Variants in AK7 observed in about 807,000 individuals in gnomAD.
AK7 encodes adenylate kinase 7, also known as ATP-AMP transphosphorylase 7.
Under a neutral mutation model 96.6 loss-of-function variants are expected in AK7, and 78 were observed. That is an observed-to-expected ratio of 0.81 (90% confidence interval 0.67 to 0.97). The LOEUF (loss-of-function observed/expected upper bound fraction) is 0.97, where lower values mean the gene tolerates loss of function less well. AK7 is among the 50% of genes least tolerant of loss of function. The pLI, the probability that AK7 is intolerant of heterozygous loss-of-function variation, is 0.00. For missense variants in AK7, 855 were observed against 887.9 expected, an observed-to-expected ratio of 0.96 and a Z score of 0.47; for synonymous variants, 302 against 317.2, an observed-to-expected ratio of 0.95 and a Z score of 0.51.
At chr14:96,423,698 T>C in intron 5 of AK7, 1 of 683,308 alleles carries the variant, frequency 1.5e-6, no homozygotes, top group Non-Finnish European at 2.8e-6. Flanking sequence ...TGCCCCCTAC[T>C]TCCCAGACAG....
At chr14:96,422,435 C>A (rs1448491663) in intron 5 of AK7, among the ~76,000 whole-genome samples, 2 of 152,174 alleles carry the variant, frequency 1.3e-5, no homozygotes, top group African/African-American at 2.4e-5. Context: ...TGCCTTAACC[C>A]TGAAGAGGCC....
chr14:96,431,439 C>T (rs1360644438), intron 5 of AK7, among the ~76,000 whole-genome samples: 1 of 152,156 alleles, frequency 6.6e-6, no homozygotes, highest in African/African-American at 2.4e-5. Flanking sequence ...GAATGTGTCC[C>T]AGAGATTCTG....
chr14:96,427,552 C>T (rs540591943), intron 5 of AK7, among the ~76,000 whole-genome samples: 109 of 152,306 alleles, frequency 7.2e-4, no homozygotes, highest in Middle Eastern at 3.4e-3. Flanking sequence ...GATTACAATT[C>T]GACGTGAGAT....
intron 12 of AK7, among the ~76,000 whole-genome samples, chr14:96,469,965 G>T (rs977108114): frequency 3.3e-5 from 5 of 151,988 alleles, no homozygotes; most frequent in Admixed American, 6.6e-5. Context: ...TTACAGGCAT[G>T]TGCCACCACG....
At chr14:96,410,187 C>A (rs990408638) in intron 4 of AK7, among the ~76,000 whole-genome samples, 20 of 152,112 alleles carry the variant, frequency 1.3e-4, no homozygotes, top group Admixed American at 9.8e-4. Flanking sequence ...GGGCAGGGAC[C>A]ACAGGTTTCA....
intron 2 of AK7, among the ~76,000 whole-genome samples, chr14:96,404,150 T>TA (rs34091316): frequency 0.081 from 8,112 of 99,592 alleles, 435 homozygotes; most frequent in African/African-American, 0.18. Context: ...TGTCTCAAAT[T>TA]AAAAAAAAAA....
chr14:96,399,344 C>T lies in AK7; in HGVS notation c.294+1081C>T, dbSNP rs1314258400. On this transcript the variant is annotated intron_variant, in intron 2 of 17. Transcript: ENST00000267584. This position sits in a 1 kb window ranked among gnomAD's most constrained non-coding sequence, Gnocchi z 4.1. ...GGGACCTTCCCATTCACCTCCTTCC[C>T]CTGTCTTCCGGGTATTCTTTCCCAT... 1 of 152,546 alleles carries T rather than the reference C, an allele frequency of 6.6e-6. No homozygotes were observed. Among genetic ancestry groups the T allele is most frequent in the Non-Finnish European group, 1.5e-5 (1 of 68,318 alleles). The allele number at this position is 152,546 out of a possible 1,614,324, so 9.4% of individuals were successfully genotyped here. A position where few individuals can be genotyped will look rare whatever the true frequency, so the allele number is the denominator to read the frequency against.
chr14:96,444,797 A>G (rs917566773), intron 7 of AK7, among the ~76,000 whole-genome samples: 1 of 151,592 alleles, frequency 6.6e-6, no homozygotes, highest in Non-Finnish European at 1.5e-5. Context: ...GGCTCACTGC[A>G]ACCTCCGCCT....
At chr14:96,401,830 A>C (rs1890425938) in intron 2 of AK7, among the ~76,000 whole-genome samples, 1 of 152,118 alleles carries the variant, frequency 6.6e-6, no homozygotes. Context: ...TTCCAGCCCA[A>C]CTCAAATATC....
chr14:96,483,092 A>G lies in AK7; in HGVS notation c.1847A>G (p.Glu616Gly). Residue 616 changes from glutamate to glycine, a missense_variant, in exon 16 of 18, where the codon GAA becomes GGA. Physicochemically the swap from Glu to Gly is moderately conservative, Grantham distance 98. Coordinates refer to ENST00000267584, the MANE Select transcript of AK7 (RefSeq NM_152327.5). ...GEPRNYGLTD[E>G]EKAEEERKAA... ...CCTCGAAATTATGGTTTAACAGACG[A>G]AGAAAAGGCAGAAGAGGAGCGGAAG... 1 of 1,614,212 alleles carries G rather than the reference A, an allele frequency of 6.2e-7. No homozygotes were observed. Among genetic ancestry groups the G allele is most frequent in the Non-Finnish European group, 8.5e-7 (1 of 1,180,044 alleles).
chr14:96,471,058 C>T (rs776853676), intron 12 of AK7, among the ~76,000 whole-genome samples: 22 of 152,154 alleles, frequency 1.4e-4, no homozygotes, highest in Non-Finnish European at 2.8e-4. Context: ...ATATTTTTTA[C>T]TTTAAGGGCC....
chr14:96,392,545 AAGATCACATAG>A (rs1889812873), intron 1 of AK7, among the ~76,000 whole-genome samples: 1 of 152,266 alleles, frequency 6.6e-6, no homozygotes, highest in African/African-American at 2.4e-5. Flanking sequence ...GGACTTGCCC[AAGATCACATAG>A]AGAGTTGAGG....
At chr14:96,445,531 A>G (rs2140099571) in intron 7 of AK7, among the ~76,000 whole-genome samples, 1 of 152,240 alleles carries the variant, frequency 6.6e-6, no homozygotes, top group Admixed American at 6.5e-5. Flanking sequence ...TTGGTGGCTC[A>G]TGCCTGCAGT....
chr14:96,419,422 G>A (rs903519982), intron 4 of AK7, among the ~76,000 whole-genome samples: 6 of 152,212 alleles, frequency 3.9e-5, no homozygotes, highest in Non-Finnish European at 7.3e-5. Context: ...TTAAAGCCAG[G>A]AGGTGGAGAC....
At chr14:96,433,939 G>A (rs983139633) in intron 5 of AK7, among the ~76,000 whole-genome samples, 4 of 152,062 alleles carry the variant, frequency 2.6e-5, no homozygotes, top group African/African-American at 7.2e-5. Flanking sequence ...TTCATCCGAT[G>A]GAATTCTGAA....
intron 12 of AK7, among the ~76,000 whole-genome samples, chr14:96,467,990 G>A (rs139470885): frequency 6.7e-5 from 10 of 148,836 alleles, no homozygotes; most frequent in African/African-American, 9.8e-5. Context: ...TAATCCCAGC[G>A]CTTTGAGAGG....
chr14:96,438,580 G>T (rs976246448), intron 6 of AK7, among the ~76,000 whole-genome samples: 1 of 152,204 alleles, frequency 6.6e-6, no homozygotes. Context: ...TCTAGCTGAA[G>T]TATGGGAGAA....
rs1224716889 is a variant in AK7 at position 96,451,562 on chromosome 14, G to A, written c.1090G>A (p.Gly364Arg). The A allele has an allele frequency of 6.6e-7, 1 of 1,519,200 alleles. No homozygotes were observed. The highest frequency in any genetic ancestry group is 2.0e-5 in the Admixed American group (1 of 50,734). The allele number at this position is 1,519,200 out of a possible 1,614,324, so 94.1% of individuals were successfully genotyped here. Reference protein sequence around the residue: ...TILKEYKQSRGLMPIKICILG... With the variant: ...TILKEYKQSRRLMPIKICILG... ...CCTCAAGGAGTACAAGCAAAGCAGA[G>A]GATTGATGGTAACTATCACTGTTTC... is the stretch of plus-strand genomic sequence containing the variant. Residue 364 changes from glycine (G) to arginine (R), a missense_variant, in exon 10 of 18, where the codon GGA (glycine) becomes AGA (arginine). Gly to Arg is a moderately radical substitution (Grantham distance 125). Transcript: ENST00000267584.
At chr14:96,464,447 G>C (rs767042931) in intron 12 of AK7, among the ~76,000 whole-genome samples, 1 of 151,174 alleles carries the variant, frequency 6.6e-6, no homozygotes, top group African/African-American at 2.4e-5. Flanking sequence ...CTACTTTGGC[G>C]GGGACACAGG....
Sources: gnomAD v4.1 joint callset for allele counts (sites outside exome capture counted in the v4.1 genomes callset) on GRCh38, gnomAD v4.1.1 for gene constraint, Gnocchi (gnomAD v3.1) non-coding constraint, MANE v1.5 for transcripts, NCBI Gene and HGNC (gene_info 2026-07-23, HGNC 2026-07-21) for gene names.